RGS22: variants seen among roughly 807,000 people sequenced by gnomAD.
The protein encoded by RGS22 is regulator of G-protein signaling 22.
RGS22 carries 148 observed loss-of-function variants against 172.9 expected under a neutral mutation model. That is an observed-to-expected ratio of 0.86 (90% CI 0.75 to 0.98). The LOEUF is 0.98. Among genes scored for constraint, RGS22 ranks in the 50% least tolerant of loss-of-function variants. The probability of loss-of-function intolerance (pLI) is 0.00; values close to 1 mark genes in which losing one functional copy is unlikely to be tolerated. For synonymous variants in RGS22, 458 were observed against 480.2 expected, an observed-to-expected ratio of 0.95 and a Z score of 0.60; for missense variants, 1,347 against 1,440.8, an observed-to-expected ratio of 0.93 and a Z score of 1.05.
chr8:100,022,493 A>C (rs1817692703), intron 14 of RGS22, among the ~76,000 whole-genome samples: 1 of 152,218 alleles, frequency 6.6e-6, no homozygotes, highest in Non-Finnish European at 1.5e-5. Context: ...AGACATTTTA[A>C]GTAAAATCAG....
At chr8:100,068,833 C>G (rs1396294148) in intron 6 of RGS22, among the ~76,000 whole-genome samples, 1 of 150,808 alleles carries the variant, frequency 6.6e-6, no homozygotes, top group Non-Finnish European at 1.5e-5. Context: ...ACTTGGGGGG[C>G]AGAGGCAGGA....
At chr8:100,033,539 C>CG (rs1819085264) in intron 14 of RGS22, among the ~76,000 whole-genome samples, 1 of 138,954 alleles carries the variant, frequency 7.2e-6, no homozygotes, top group Admixed American at 7.1e-5. Flanking sequence ...GCCTACCAAC[C>CG]AAAAAAAAAA....
At chr8:100,049,978 G>A (rs1403261946) in intron 10 of RGS22, among the ~76,000 whole-genome samples, 1 of 151,874 alleles carries the variant, frequency 6.6e-6, no homozygotes. Context: ...GAACCTGGGA[G>A]GCGGAGGTTG....
rs376054141 is a variant in RGS22 at position 100,063,726 on chromosome 8, T to C, written c.1042A>G (p.Ile348Val). 3.3e-5 allele frequency: 54 copies of C among 1,613,912 alleles called. No homozygotes were observed. Among genetic ancestry groups the C allele is most frequent in the Admixed American group, 2.3e-4 (14 of 59,982 alleles). ...ETPDYINFNN[I>V]TKVSFDDCFE... ...CAATCATCAAATGACACTTTTGTTATATTGTTGAAGTTTATATAGTCTGGG... is the reference window on the plus strand; with the variant it reads ...CAATCATCAAATGACACTTTTGTTACATTGTTGAAGTTTATATAGTCTGGG... The change falls in exon 8 of 28, where the codon ATA (isoleucine) becomes GTA (valine). Residue 348 changes from isoleucine (I) to valine (V), a missense_variant. Physicochemically the swap from Ile to Val is conservative, Grantham distance 29. Coordinates refer to ENST00000360863, the MANE Select transcript of RGS22 (RefSeq NM_015668.5).
intron 14 of RGS22, among the ~76,000 whole-genome samples, chr8:100,018,989 C>CAA (rs5893504): frequency 0.064 from 9,328 of 146,764 alleles, 391 homozygotes; most frequent in African/African-American, 0.11. Context: ...ATGTCAAAAG[C>CAA]AAAAAAAAAA....
At chr8:100,023,928 C>T (rs768208955) in intron 14 of RGS22, 2 of 152,584 alleles carry the variant, frequency 1.3e-5, no homozygotes, top group Non-Finnish European at 2.9e-5. Context: ...GATTTCATTG[C>T]TGCTCCAATA....
chr8:99,997,750 A>G (rs960393293), intron 19 of RGS22, among the ~76,000 whole-genome samples: 28 of 152,216 alleles, frequency 1.8e-4, no homozygotes, highest in African/African-American at 6.8e-4. Context: ...TGTGCTAATG[A>G]CATTTTAAAT....
chr8:99,966,851 T>C lies in RGS22; in HGVS notation c.3520-1421A>G, dbSNP rs560567144. 6.6e-5 allele frequency among the ~76,000 whole-genome samples: 10 copies of C among 152,332 alleles called. No homozygotes were observed. In the South Asian group the frequency reaches 2.1e-3, roughly 32 times the overall value. On this transcript the variant is annotated intron_variant, in intron 23 of 27. Coordinates refer to ENST00000360863, the MANE Select transcript of RGS22 (RefSeq NM_015668.5). ...TCTGTTCCCATTAAATAATAACTCC[T>C]TACTGCCTTCTATCCCCAGCCCCTG... is the stretch of plus-strand genomic sequence containing the variant.
At chr8:100,097,460 T>C (rs767225581) in intron 2 of RGS22, among the ~76,000 whole-genome samples, 1 of 152,224 alleles carries the variant, frequency 6.6e-6, no homozygotes, top group African/African-American at 2.4e-5. Flanking sequence ...GATGATGAGA[T>C]AGGACAGCTA....
chr8:100,083,830 CTTTTTTTTT>C (rs59603032), intron 3 of RGS22, among the ~76,000 whole-genome samples: 1 of 126,056 alleles, frequency 7.9e-6, no homozygotes, highest in African/African-American at 3.1e-5. Flanking sequence ...AATTTCTTTT[CTTTTTTTTT>C]TTTTTTTTTG....
Position 100,063,982 on chromosome 8 carries a change from G to T in RGS22, c.786C>A (p.Asn262Lys), listed in dbSNP as rs139754977. The change falls in exon 8 of 28, where the codon AAC (asparagine) becomes AAA (lysine). Residue 262 changes from asparagine (N) to lysine (K), a missense_variant. Physicochemically the swap from Asn to Lys is moderately conservative, Grantham distance 94. Coordinates refer to ENST00000360863, the MANE Select transcript of RGS22 (RefSeq NM_015668.5). ...CTTCTTCAAATTCAGAAATCAATTT[G>T]TTGGTTTTAGATGGGTCCTTTTTTG... ...PRTKKDPSKTNKLISEFEEEE... is the reference protein window; with the variant it reads ...PRTKKDPSKTKKLISEFEEEE... The T allele has an allele frequency of 1.0e-3, 1,623 of 1,566,170 alleles. 12 individuals carry two copies. In the African/African-American group the frequency reaches 0.018, roughly 17 times the overall value.
At chr8:100,031,102 A>G (rs1231167055) in intron 14 of RGS22, among the ~76,000 whole-genome samples, 2 of 152,206 alleles carry the variant, frequency 1.3e-5, no homozygotes, top group Non-Finnish European at 2.9e-5. Context: ...AGAGAAATAT[A>G]ATATGTAACT....
At chr8:100,099,954 T>G (rs574381979) in intron 2 of RGS22, among the ~76,000 whole-genome samples, 4 of 152,186 alleles carry the variant, frequency 2.6e-5, no homozygotes, top group East Asian at 1.9e-4. Context: ...TTAACCCAAT[T>G]ATGTGTAATT....
chr8:100,080,517 A>C (rs1295905151), intron 3 of RGS22, 162 bp from the exon 4 acceptor site: 1 of 609,288 alleles, frequency 1.6e-6, no homozygotes, highest in Admixed American at 3.0e-5. Context: ...CCTTGGGTAG[A>C]GGTCAGGGAA....
intron 14 of RGS22, chr8:100,038,706 G>A: frequency 2.8e-6 from 1 of 360,318 alleles, no homozygotes; most frequent in South Asian, 9.4e-5. Context: ...CAAGTAGTTG[G>A]CAAGAGAAAA....
chr8:100,028,800 C>A (rs1182334653), intron 14 of RGS22, among the ~76,000 whole-genome samples: 2 of 152,112 alleles, frequency 1.3e-5, no homozygotes, highest in African/African-American at 4.8e-5. Context: ...GCAGCCAGGC[C>A]CCCACGAAAA....
intron 9 of RGS22, among the ~76,000 whole-genome samples, chr8:100,054,089 T>C (rs1013665258): frequency 5.9e-5 from 9 of 152,224 alleles, no homozygotes; most frequent in Admixed American, 3.3e-4. Context: ...GGGAAAAGAA[T>C]GTCTGGCACA....
intron 14 of RGS22, among the ~76,000 whole-genome samples, chr8:100,023,293 G>C (rs1452248543): frequency 6.6e-6 from 1 of 152,158 alleles, no homozygotes; most frequent in Non-Finnish European, 1.5e-5. Context: ...AATCTTTCAG[G>C]CTGACTAGAT....
chr8:100,003,156 G>T, intron 17 of RGS22: 1 of 231,114 alleles, frequency 4.3e-6, no homozygotes. Context: ...ATAACTTAAG[G>T]TATAACTGGA....
Sources: gnomAD v4.1 joint callset for allele counts (sites outside exome capture counted in the v4.1 genomes callset) on GRCh38, gnomAD v4.1.1 for gene constraint, MANE v1.5 for transcripts, NCBI Gene and HGNC (gene_info 2026-07-23, HGNC 2026-07-21) for gene names.